The following TBC1D5 variants were observed in gnomAD, a reference collection of about 807,000 sequenced individuals.
TBC1D5 encodes TBC1 domain family, member 5.
A neutral mutation model predicts 100.3 loss-of-function variants in TBC1D5; 75 were observed. That is an observed-to-expected ratio of 0.75 (90% CI 0.62 to 0.91). The LOEUF (loss-of-function observed/expected upper bound fraction) is 0.91. Among genes scored for constraint, TBC1D5 ranks in the 40% least tolerant of loss-of-function variants. The pLI, the probability that TBC1D5 is intolerant of heterozygous loss-of-function variation, is 0.00. For missense variants in TBC1D5, 910 were observed against 942.4 expected, an observed-to-expected ratio of 0.97 and a Z score of 0.45; for synonymous variants, 323 against 325.6, an observed-to-expected ratio of 0.99 and a Z score of 0.09.
At chr3:17,318,242 G>C (rs1346279189) in intron 13 of TBC1D5, among the ~76,000 whole-genome samples, 1 of 113,752 alleles carries the variant, frequency 8.8e-6, no homozygotes, top group African/African-American at 3.3e-5. Flanking sequence ...TGGGGGGAGG[G>C]GGGAGGGATA....
chr3:17,505,871 AT>A (rs1389596585), intron 3 of TBC1D5, among the ~76,000 whole-genome samples: 1 of 152,200 alleles, frequency 6.6e-6, no homozygotes, highest in Non-Finnish European at 1.5e-5. Context: ...AAAATGTCAT[AT>A]TTTCTATGCT....
chr3:17,312,412 A>G (rs1326861400), intron 13 of TBC1D5, among the ~76,000 whole-genome samples: 1 of 152,166 alleles, frequency 6.6e-6, no homozygotes, highest in African/African-American at 2.4e-5. Context: ...AATGCCTTGA[A>G]GATATATTTG....
intron 2 of TBC1D5, among the ~76,000 whole-genome samples, chr3:17,587,989 A>G (rs1331468723): frequency 1.3e-5 from 2 of 152,072 alleles, no homozygotes; most frequent in Non-Finnish European, 2.9e-5. Context: ...ATATATTATC[A>G]TAGTACTATG....
chr3:17,321,714 T>C (rs991389671), intron 13 of TBC1D5, among the ~76,000 whole-genome samples: 1 of 152,230 alleles, frequency 6.6e-6, no homozygotes, highest in African/African-American at 2.4e-5. Flanking sequence ...AAGAGAGTTT[T>C]ATGATTTTCT....
At chr3:17,698,315 G>A (rs1577574324) in intron 1 of TBC1D5, among the ~76,000 whole-genome samples, 1 of 152,236 alleles carries the variant, frequency 6.6e-6, no homozygotes, top group East Asian at 1.9e-4. Context: ...TTTAATCAAT[G>A]GTGCTGGGAA....
chr3:17,455,278 G>GTGTATATATGTATATATGTA (rs1559923095), intron 3 of TBC1D5, among the ~76,000 whole-genome samples: 5 of 144,814 alleles, frequency 3.5e-5, no homozygotes, highest in African/African-American at 1.3e-4. Context: ...ACATATATGT[G>GTGTATATATGTATATATGTA]TGTATATATG....
At chr3:17,427,050 C>G (rs2094351032) in intron 4 of TBC1D5, among the ~76,000 whole-genome samples, 1 of 151,952 alleles carries the variant, frequency 6.6e-6, no homozygotes, top group African/African-American at 2.4e-5. Context: ...AGCTATGACA[C>G]ACTCGAATAG....
At chr3:17,445,851 TA>T (rs2094779771) in intron 3 of TBC1D5, among the ~76,000 whole-genome samples, 1 of 152,170 alleles carries the variant, frequency 6.6e-6, no homozygotes, top group South Asian at 2.1e-4. Context: ...TCGCCACAGA[TA>T]AGAGTGTAAT....
intron 13 of TBC1D5, among the ~76,000 whole-genome samples, chr3:17,330,628 T>G (rs1358794170): frequency 6.6e-6 from 1 of 152,162 alleles, no homozygotes; most frequent in African/African-American, 2.4e-5. Context: ...GCCCATCTTT[T>G]CCACCTTCTG....
At chr3:17,528,192 T>G (rs552642791) in intron 2 of TBC1D5, among the ~76,000 whole-genome samples, 1 of 152,250 alleles carries the variant, frequency 6.6e-6, no homozygotes, top group East Asian at 1.9e-4. Flanking sequence ...CCCAAAGTGC[T>G]GAGACTACAG....
intron 2 of TBC1D5, among the ~76,000 whole-genome samples, chr3:17,594,748 TTA>T (rs1250855951): frequency 1.3e-5 from 2 of 152,220 alleles, no homozygotes; most frequent in East Asian, 3.8e-4. Flanking sequence ...GATAGTTGTA[TTA>T]TGTTAGGTGT....
At chr3:17,351,234 A>G (rs1029876149) in intron 13 of TBC1D5, among the ~76,000 whole-genome samples, 3 of 152,198 alleles carry the variant, frequency 2.0e-5, no homozygotes, top group Non-Finnish European at 4.4e-5. Flanking sequence ...TACTGGGTAT[A>G]TACCCAAAGG....
chr3:17,408,973 G>A (rs1018603593), intron 4 of TBC1D5, among the ~76,000 whole-genome samples: 10 of 151,874 alleles, frequency 6.6e-5, no homozygotes, highest in African/African-American at 2.2e-4. Context: ...AAGTAGTTAC[G>A]CATATATACT....
intron 2 of TBC1D5, among the ~76,000 whole-genome samples, chr3:17,601,581 A>C (rs1332470440): frequency 6.6e-6 from 1 of 152,228 alleles, no homozygotes; most frequent in African/African-American, 2.4e-5. Flanking sequence ...CCTTGTGAGC[A>C]ATGCCTAATG....
chr3:17,510,658 A>G (rs908545150), intron 2 of TBC1D5, among the ~76,000 whole-genome samples: 1 of 152,052 alleles, frequency 6.6e-6, no homozygotes, highest in African/African-American at 2.4e-5. Flanking sequence ...GGACAAATAA[A>G]TAAATTCAGA....
chr3:17,595,494 G>T (rs945585544), intron 2 of TBC1D5, among the ~76,000 whole-genome samples: 1 of 152,070 alleles, frequency 6.6e-6, no homozygotes. Flanking sequence ...GGGCATATTT[G>T]CATTCTATGT....
intron 3 of TBC1D5, among the ~76,000 whole-genome samples, chr3:17,449,433 T>C (rs1003836828): frequency 3.9e-5 from 6 of 152,226 alleles, no homozygotes; most frequent in African/African-American, 1.4e-4. Flanking sequence ...GCCAACTGGT[T>C]TTGCTCAGTG....
intron 2 of TBC1D5, among the ~76,000 whole-genome samples, chr3:17,513,552 G>A (rs1418579030): frequency 6.6e-6 from 1 of 152,012 alleles, no homozygotes; most frequent in Non-Finnish European, 1.5e-5. Context: ...TAATACTTAG[G>A]CACAGAATCA....
At chr3:17,454,307 A>C (rs1029712927) in intron 3 of TBC1D5, among the ~76,000 whole-genome samples, 1 of 152,198 alleles carries the variant, frequency 6.6e-6, no homozygotes, top group Admixed American at 6.5e-5. Flanking sequence ...ATGGTATCCG[A>C]ATTGGAAAAT....
Sources: allele counts gnomAD v4.1 joint callset (sites outside exome capture counted in the v4.1 genomes callset), GRCh38; gene constraint gnomAD v4.1.1; transcripts MANE v1.5; gene names NCBI Gene and HGNC (gene_info 2026-07-23, HGNC 2026-07-21).